GIMAP8: variants seen among roughly 807,000 people sequenced by gnomAD.
GIMAP8 encodes the protein GTPase, IMAP family member 8.
GIMAP8 carries 29 observed loss-of-function variants against 35.6 expected under a neutral mutation model. That is an observed-to-expected ratio of 0.81 (90% CI 0.61 to 1.11). GIMAP8 has a LOEUF of 1.11. Ranked by LOEUF, GIMAP8 falls within the 50% of genes most tolerant of loss-of-function variation. GIMAP8 has a pLI of 0.00. For synonymous variants in GIMAP8, 335 were observed against 308.7 expected, an observed-to-expected ratio of 1.09 and a Z score of -0.89; for missense variants, 811 against 805.0, an observed-to-expected ratio of 1.01 and a Z score of -0.09.
chr7:150,459,686 G>A (rs1363427523), intron 1 of GIMAP8, among the ~76,000 whole-genome samples: 1 of 152,098 alleles, frequency 6.6e-6, no homozygotes, highest in Non-Finnish European at 1.5e-5. Context: ...TATCAATTCC[G>A]CTCCTTCAGG....
At chr7:150,460,464 A>G (rs1801819464) in intron 1 of GIMAP8, among the ~76,000 whole-genome samples, 1 of 152,218 alleles carries the variant, frequency 6.6e-6, no homozygotes, top group Admixed American at 6.5e-5. Flanking sequence ...TTGGTATATA[A>G]TTATACTTGC....
Position 150,466,965 on chromosome 7 carries a change from C to T in GIMAP8, c.267C>T (p.Leu89=), listed in dbSNP as rs776514273. 6.2e-7 allele frequency: 1 copy of T among 1,614,218 alleles called. No individual in the cohort carries two copies. The highest frequency in any genetic ancestry group is 1.1e-5 in the South Asian group (1 of 91,084). Residue 89 remains leucine (L), a synonymous_variant, in exon 2 of 5, where the codon CTC becomes CTT. Transcript: ENST00000307271. The part of the protein sequence containing the change: ...KQRNIQHCLE[L]SAPSLHALLL... Reference sequence around the variant, plus strand: ...GCAACATCCAACACTGCTTGGAGCTCTCTGCTCCCAGCCTCCATGCTCTGC... The same window carrying T: ...GCAACATCCAACACTGCTTGGAGCTTTCTGCTCCCAGCCTCCATGCTCTGC...
rs1801599217 is a variant in GIMAP8, at chr7:150,451,243, C to G, written c.-29+68C>G. 6.6e-6 allele frequency: 1 copy of G among 152,306 alleles called. No homozygotes were observed. The highest frequency in any genetic ancestry group is 1.5e-5 in the Non-Finnish European group (1 of 68,156). The allele number at this position is 152,306 out of a possible 1,614,324, so 9.4% of individuals were successfully genotyped here. On this transcript the variant is annotated intron_variant, in intron 1 of 4. Transcript: ENST00000307271. This position sits in a 1 kb window ranked among gnomAD's most constrained non-coding sequence, Gnocchi z 4.1. ...GGAGACTGTGGGACGCCGTGGGACCCCATGGGACACGACCGCAGTGCATGT... is the reference window on the plus strand; with the variant it reads ...GGAGACTGTGGGACGCCGTGGGACCGCATGGGACACGACCGCAGTGCATGT...
intron 1 of GIMAP8, among the ~76,000 whole-genome samples, chr7:150,460,011 T>G (rs577567931): frequency 6.6e-6 from 1 of 152,334 alleles, no homozygotes; most frequent in Admixed American, 6.5e-5. Context: ...TGGGGAATGA[T>G]GCCATATCAG....
In GIMAP8 at chr7:150,478,503, T is replaced by C. The variant is rs1802294173; in HGVS notation, c.*723T>C. The stretch of plus-strand genomic sequence containing the variant: ...ACTAGAACAGAAATTAGAAGCATAG[T>C]AAGATTGCCAAAATCAGAGAATCTT... On this transcript the variant is annotated 3_prime_UTR_variant, in exon 5 of 5. Coordinates refer to ENST00000307271, the MANE Select transcript of GIMAP8 (RefSeq NM_175571.4). The C allele has an allele frequency of 6.6e-6, 1 of 152,198 alleles. No homozygotes were observed. Among genetic ancestry groups the C allele is most frequent in the Non-Finnish European group, 1.5e-5 (1 of 68,030 alleles). 9.4% of individuals were successfully genotyped at this position (152,198 alleles called of 1,614,324 possible).
At chr7:150,452,873 C>T (rs1801649220) in intron 1 of GIMAP8, among the ~76,000 whole-genome samples, 1 of 150,890 alleles carries the variant, frequency 6.6e-6, no homozygotes, top group African/African-American at 2.4e-5. Context: ...CAGGCGTGAG[C>T]CACTGCGCCC....
At chr7:150,469,169 T>C (rs1353414673) in intron 2 of GIMAP8, among the ~76,000 whole-genome samples, 1 of 152,208 alleles carries the variant, frequency 6.6e-6, no homozygotes, top group African/African-American at 2.4e-5. Context: ...TGTTTGCCCC[T>C]GAGTTACACT....
intron 4 of GIMAP8, among the ~76,000 whole-genome samples, chr7:150,475,968 G>A (rs756034492): frequency 1.1e-4 from 16 of 152,208 alleles, no homozygotes; most frequent in Non-Finnish European, 1.9e-4. Flanking sequence ...GAACATTGAA[G>A]ATTAAGGCGT....
chr7:150,460,264 T>G (rs562148409), intron 1 of GIMAP8, among the ~76,000 whole-genome samples: 6 of 152,362 alleles, frequency 3.9e-5, no homozygotes, highest in African/African-American at 9.6e-5. Flanking sequence ...AAAATCTTCC[T>G]CTGCTGAAGT....
chr7:150,474,061 G>T lies in GIMAP8; in HGVS notation c.732G>T (p.Gly244=), dbSNP rs1160852208. The part of the protein sequence containing the change: ...LQSTGPEQNP[G]TSELTVLLVG... ...CCACAGGACCCGAGCAGAATCCGGG[G>T]ACATCAGAACTGACAGTCCTCCTTG... The change falls in exon 4 of 5, where the codon GGG becomes GGT. Residue 244 remains glycine (G), a synonymous_variant. Coordinates refer to ENST00000307271, the MANE Select transcript of GIMAP8 (RefSeq NM_175571.4). 8.7e-6 allele frequency: 14 copies of T among 1,614,162 alleles called. No individual in the cohort carries two copies. In the East Asian group the frequency reaches 3.1e-4, roughly 36 times the overall value.
rs749292551 is a variant in GIMAP8 at position 150,477,570 on chromosome 7, G to T, written c.1788G>T (p.Arg596=). 5.0e-6 allele frequency: 8 copies of T among 1,614,162 alleles called. No individual in the cohort carries two copies. Among genetic ancestry groups the T allele is most frequent in the East Asian group, 2.2e-5 (1 of 44,890 alleles). ...ALRRIFKKCG[R]RVCAFNNKET... ...GGCGCATTTTTAAAAAGTGTGGGCG[G>T]CGAGTTTGTGCTTTTAACAACAAAG... is the stretch of plus-strand genomic sequence containing the variant. Residue 596 remains arginine (R), a synonymous_variant, in exon 5 of 5, where the codon CGG becomes CGT. Transcript: ENST00000307271.
At chr7:150,459,745 T>C (rs901221750) in intron 1 of GIMAP8, among the ~76,000 whole-genome samples, 6 of 152,298 alleles carry the variant, frequency 3.9e-5, no homozygotes, top group South Asian at 2.1e-4. Context: ...CATGGGCCCA[T>C]TGCCTCACTT....
Position 150,477,464 on chromosome 7 carries a change from T to G in GIMAP8, c.1682T>G (p.Ile561Ser). ...IFGADFTKYA[I>S]MLFTRKEDLG... is the part of the protein sequence containing the mutation. ...GGAGCAGACTTTACGAAATACGCGA[T>G]TATGCTGTTCACCCGGAAGGAAGAC... The change falls in exon 5 of 5, where the codon ATT becomes AGT. Residue 561 changes from isoleucine (I) to serine (S), a missense_variant. Physicochemically the swap from Ile to Ser is moderately radical, Grantham distance 142. Coordinates refer to ENST00000307271, the MANE Select transcript of GIMAP8 (RefSeq NM_175571.4). The G allele has an allele frequency of 6.2e-7, 1 of 1,614,120 alleles. No homozygotes were observed.
Position 150,474,649 on chromosome 7 carries a change from G to C in GIMAP8, c.1309+11G>C. 1 of 1,528,454 alleles carries C rather than the reference G, an allele frequency of 6.5e-7. No individual in the cohort carries two copies. Among genetic ancestry groups the C allele is most frequent in the African/African-American group, 1.4e-5 (1 of 72,054 alleles). The allele number at this position is 1,528,454 out of a possible 1,614,324, so 94.7% of individuals were successfully genotyped here. A position where few individuals can be genotyped will look rare whatever the true frequency, so the allele number is the denominator to read the frequency against. The stretch of plus-strand genomic sequence containing the variant: ...TTTTCAGAGAAAAAGGTAAAACTGT[G>C]AATAGGATATATATTTTTACATATA... On this transcript the variant is annotated intron_variant, in intron 4 of 4. Coordinates refer to ENST00000307271, the MANE Select transcript of GIMAP8 (RefSeq NM_175571.4).
At position 150,477,950 on chromosome 7, in the gene GIMAP8, C is replaced by T; in HGVS notation, c.*170C>T. 1.7e-6 allele frequency: 1 copy of T among 593,134 alleles called. No individual in the cohort carries two copies. The highest frequency in any genetic ancestry group is 2.2e-5 in the South Asian group (1 of 44,472). The allele number at this position is 593,134 out of a possible 1,614,324, so 36.7% of individuals were successfully genotyped here. A position where few individuals can be genotyped will look rare whatever the true frequency, so the allele number is the denominator to read the frequency against. ...CAGCTATTTGTAGATAAATAAATTG[C>T]AGGTGGGGGCGAATAGTAGGGTATT... On this transcript the variant is annotated 3_prime_UTR_variant, in exon 5 of 5. Transcript: ENST00000307271.
At chr7:150,457,464 G>A (rs1224759738) in intron 1 of GIMAP8, among the ~76,000 whole-genome samples, 1 of 152,194 alleles carries the variant, frequency 6.6e-6, no homozygotes, top group Non-Finnish European at 1.5e-5. Flanking sequence ...GAAAGAAAGG[G>A]TTGATAAGAG....
At chr7:150,473,861 G>A in intron 3 of GIMAP8, 151 bp from the exon 4 acceptor site, 1 of 755,736 alleles carries the variant, frequency 1.3e-6, no homozygotes, top group South Asian at 1.8e-5. Context: ...TCACCTTGAT[G>A]GAGAGCTTCT....
intron 2 of GIMAP8, 114 bp downstream of exon 2, chr7:150,467,448 A>C (rs936159090): frequency 6.1e-6 from 5 of 819,694 alleles, no homozygotes; most frequent in Non-Finnish European, 7.6e-6. Flanking sequence ...GTTTTGTTTA[A>C]TAAGATATTT....
chr7:150,461,174 A>G (rs907402756), intron 1 of GIMAP8, among the ~76,000 whole-genome samples: 4 of 152,224 alleles, frequency 2.6e-5, no homozygotes, highest in African/African-American at 9.6e-5. Context: ...AAAATTCTCT[A>G]TGTGCTTATA....
Sources: gnomAD v4.1 joint callset for allele counts (sites outside exome capture counted in the v4.1 genomes callset) on GRCh38, gnomAD v4.1.1 for gene constraint, Gnocchi (gnomAD v3.1) non-coding constraint, MANE v1.5 for transcripts, NCBI Gene and HGNC (gene_info 2026-07-23, HGNC 2026-07-21) for gene names.